Variants in GREB1 observed in about 807,000 individuals in gnomAD.
GREB1 encodes growth regulating estrogen receptor binding 1.
Under a neutral mutation model 200.7 loss-of-function variants are expected in GREB1, and 106 were observed. The observed-to-expected ratio is 0.53, with a 90% CI of 0.45 to 0.62. The LOEUF is 0.62. GREB1 is among the 20% of genes least tolerant of loss of function. The probability of loss-of-function intolerance (pLI) is 0.00; values close to 1 mark genes in which losing one functional copy is unlikely to be tolerated. For synonymous variants in GREB1, 1,132 were observed against 1,092.4 expected (o/e 1.04, Z -0.72); for missense variants, 2,243 against 2,556.8 (o/e 0.88, Z 2.65).
chr2:11,591,636 C>T, intron 10 of GREB1: 1 of 584,640 alleles, frequency 1.7e-6, no homozygotes, highest in Non-Finnish European at 3.1e-6. Flanking sequence ...CATTCAGGCT[C>T]TTGGGAAGCA....
chr2:11,635,518 G>A, intron 30 of GREB1, 113 bp downstream of exon 30: 2 of 1,253,548 alleles, frequency 1.6e-6, no homozygotes, highest in Non-Finnish European at 2.2e-6. Context: ...AGCGCATGGG[G>A]CAGGGCCCTA....
intron 9 of GREB1, 148 bp downstream of exon 9, chr2:11,586,053 C>A: frequency 1.3e-6 from 1 of 750,788 alleles, no homozygotes; most frequent in African/African-American, 1.8e-5. Flanking sequence ...AAGGAAAGAA[C>A]AAGGCAGAGC....
intron 2 of GREB1, 52 bp from the exon 3 acceptor site, chr2:11,562,409 GCT>G: frequency 6.2e-7 from 1 of 1,603,210 alleles, no homozygotes; most frequent in Non-Finnish European, 8.5e-7. Flanking sequence ...CCTGGGGGAA[GCT>G]CTGAGGCCAG....
chr2:11,637,296 G>C (rs1434379550), intron 30 of GREB1, among the ~76,000 whole-genome samples: 1 of 151,890 alleles, frequency 6.6e-6, no homozygotes, highest in Non-Finnish European at 1.5e-5. Context: ...AAACGTGTTG[G>C]TGATGGAGCA....
At chr2:11,617,827 C>A (rs1306464943) in intron 21 of GREB1, among the ~76,000 whole-genome samples, 2 of 152,162 alleles carry the variant, frequency 1.3e-5, no homozygotes, top group African/African-American at 4.8e-5. Context: ...CACCAGGAGA[C>A]TGGCTAGGGG....
chr2:11,607,497 T>TACATATATACAC (rs1682443606), intron 17 of GREB1, among the ~76,000 whole-genome samples: 1 of 141,984 alleles, frequency 7.0e-6, no homozygotes, highest in African/African-American at 2.7e-5. Context: ...TATATACACA[T>TACATATATACAC]ATATATACAT....
At chr2:11,509,625 G>C (rs1673295380) in intron 1 of GREB1, among the ~76,000 whole-genome samples, 2 of 152,278 alleles carry the variant, frequency 1.3e-5, no homozygotes, top group South Asian at 4.1e-4. Flanking sequence ...TCCCCAATGT[G>C]ATAGTATTCA....
intron 10 of GREB1, among the ~76,000 whole-genome samples, chr2:11,589,639 C>A (rs1237595306): frequency 6.6e-6 from 1 of 152,240 alleles, no homozygotes; most frequent in African/African-American, 2.4e-5. Context: ...AAACGCCACC[C>A]TGGCGGCTAT....
rs935654220 is a variant in GREB1 at position 11,578,534 on chromosome 2, A to G, written c.772+103A>G. Reference sequence around the variant, plus strand: ...CGTCAAGCATTCTTCAAAATAAATCAGGGGGCTGTTATCTTTTTCTATAAC... The same window carrying G: ...CGTCAAGCATTCTTCAAAATAAATCGGGGGGCTGTTATCTTTTTCTATAAC... On this transcript the variant is annotated intron_variant, in intron 6 of 32. Coordinates refer to ENST00000381486, the MANE Select transcript of GREB1 (RefSeq NM_014668.4). The G allele has an allele frequency of 2.3e-5, 28 of 1,224,242 alleles. 1 individual carries two copies. The highest frequency in any genetic ancestry group is 3.1e-5 in the Non-Finnish European group (27 of 883,092). 75.8% of individuals were successfully genotyped at this position (1,224,242 alleles called of 1,614,324 possible).
At chr2:11,546,239 G>A (rs1462631262) in intron 1 of GREB1, among the ~76,000 whole-genome samples, 1 of 151,738 alleles carries the variant, frequency 6.6e-6, no homozygotes, top group Non-Finnish European at 1.5e-5. Flanking sequence ...TACTTCCCAC[G>A]CCCCCTCCCT....
intron 1 of GREB1, among the ~76,000 whole-genome samples, chr2:11,525,534 T>C (rs1269224925): frequency 6.6e-6 from 1 of 151,566 alleles, no homozygotes; most frequent in Non-Finnish European, 1.5e-5. Flanking sequence ...CAGGTCATAT[T>C]CTCTTTCCTT....
At chr2:11,610,009 C>T (rs1226181576) in intron 17 of GREB1, among the ~76,000 whole-genome samples, 14 of 152,116 alleles carry the variant, frequency 9.2e-5, no homozygotes, top group African/African-American at 2.7e-4. Flanking sequence ...TCCATTGGTG[C>T]CCTGGGGTCT....
intron 9 of GREB1, among the ~76,000 whole-genome samples, chr2:11,586,519 TG>T (rs1558589016): frequency 6.6e-6 from 1 of 152,146 alleles, no homozygotes; most frequent in Non-Finnish European, 1.5e-5. Flanking sequence ...TGGGAAACCC[TG>T]GGGGGATTCA....
At position 11,507,403 on chromosome 2, in the gene GREB1, C is replaced by CAAA. The variant is rs11400364; in HGVS notation, c.-159+25035_-159+25037dup. Reference sequence around the variant, plus strand: ...CAGCCTGGGCAACAGAGCAAGACTCCAAAAAAAAAAAAAAACCATAAACCG... The same window carrying CAAA: ...CAGCCTGGGCAACAGAGCAAGACTCCAAAAAAAAAAAAAAAAAACCATAAACCG... On this transcript the variant is annotated intron_variant, in intron 1 of 2. Transcript: ENST00000628795. Among the ~76,000 whole-genome samples the CAAA allele has an allele frequency of 1.4e-4, 20 of 139,026 alleles. 1 individual carries two copies. Among genetic ancestry groups the CAAA allele is most frequent in the African/African-American group, 2.7e-4 (10 of 36,950 alleles). The allele number at this position is 139,026 out of a possible 152,430, so 91.2% of individuals were successfully genotyped here.
chr2:11,539,499 A>C (rs1674565913), intron 1 of GREB1, among the ~76,000 whole-genome samples: 1 of 152,186 alleles, frequency 6.6e-6, no homozygotes, highest in Non-Finnish European at 1.5e-5. Context: ...AGTCCTTCGG[A>C]GGCAAGCCAG....
chr2:11,500,185 G>A (rs545539943), intron 1 of GREB1, among the ~76,000 whole-genome samples: 4 of 151,794 alleles, frequency 2.6e-5, no homozygotes, highest in South Asian at 4.2e-4. Flanking sequence ...TATTTGAGAC[G>A]GAGTCTCACG....
At chr2:11,600,125 T>C (rs994262289) in intron 15 of GREB1, among the ~76,000 whole-genome samples, 3 of 152,202 alleles carry the variant, frequency 2.0e-5, no homozygotes, top group Non-Finnish European at 4.4e-5. Flanking sequence ...CCAGAATCCA[T>C]GTGTGGGCTT....
At chr2:11,495,845 C>T (rs1043636115) in intron 1 of GREB1, among the ~76,000 whole-genome samples, 2 of 147,234 alleles carry the variant, frequency 1.4e-5, no homozygotes, top group African/African-American at 5.1e-5. Flanking sequence ...TTGCAGAACT[C>T]GATGAGTGGG....
chr2:11,508,909 C>G (rs1187364680), intron 1 of GREB1, among the ~76,000 whole-genome samples: 5 of 142,758 alleles, frequency 3.5e-5, no homozygotes, highest in African/African-American at 8.0e-5. Flanking sequence ...GAGTCTCGCT[C>G]TGTCGCCCAG....
Sources: allele counts gnomAD v4.1 joint callset (sites outside exome capture counted in the v4.1 genomes callset), GRCh38; gene constraint gnomAD v4.1.1; transcripts MANE v1.5; gene names NCBI Gene and HGNC (gene_info 2026-07-23, HGNC 2026-07-21).